KIZ: variants seen among roughly 807,000 people sequenced by gnomAD.
KIZ encodes the protein kizuna centrosomal protein, also known as centrosomal protein kizuna.
KIZ carries 68 observed loss-of-function variants against 79.6 expected under a neutral mutation model. That is an observed-to-expected ratio of 0.85 (90% CI 0.70 to 1.05). The LOEUF is 1.05. Among genes scored for constraint, KIZ ranks in the 50% least tolerant of loss-of-function variants. The pLI is 0.00. For missense variants in KIZ, 797 were observed against 800.4 expected (o/e 1.00, Z 0.05); for synonymous variants, 280 against 281.8 (o/e 0.99, Z 0.06).
At chr20:21,187,746 C>T (rs1280796228) in intron 6 of KIZ, among the ~76,000 whole-genome samples, 1 of 152,156 alleles carries the variant, frequency 6.6e-6, no homozygotes, top group African/African-American at 2.4e-5. Context: ...GATAATTCTA[C>T]CTTGACAACA....
intron 6 of KIZ, among the ~76,000 whole-genome samples, chr20:21,176,048 G>A (rs1289469583): frequency 1.3e-5 from 2 of 152,050 alleles, no homozygotes; most frequent in African/African-American, 4.8e-5. Flanking sequence ...GGTGGCTCAC[G>A]CCTATAATCT....
intron 10 of KIZ, among the ~76,000 whole-genome samples, chr20:21,231,280 C>A (rs1472528430): frequency 1.3e-5 from 2 of 152,080 alleles, no homozygotes; most frequent in African/African-American, 2.4e-5. Flanking sequence ...GCTGAGATCA[C>A]ACCACTGCAC....
chr20:21,154,435 A>C (rs1050088629), intron 4 of KIZ, among the ~76,000 whole-genome samples: 2 of 152,188 alleles, frequency 1.3e-5, no homozygotes, highest in African/African-American at 2.4e-5. Flanking sequence ...GTTCACTAAT[A>C]AATATTTTCA....
intron 6 of KIZ, among the ~76,000 whole-genome samples, chr20:21,170,844 A>C (rs2034174272): frequency 6.6e-6 from 1 of 152,128 alleles, no homozygotes. Flanking sequence ...TTTAATTTTT[A>C]GCTCCCCCAA....
At chr20:21,127,645 A>G (rs778174928) in intron 1 of KIZ, among the ~76,000 whole-genome samples, 5 of 152,138 alleles carry the variant, frequency 3.3e-5, no homozygotes, top group Non-Finnish European at 7.3e-5. Context: ...GTGTGTGTTC[A>G]TTTTTCATTT....
Position 21,162,074 on chromosome 20 carries a change from G to A in KIZ, c.609G>A (p.Val203=). ...GACAGACAGCCCAGAGCAGTAATGT[G>A]ACAGACAGCTGTGTAGTACAAACTA... is the stretch of plus-strand genomic sequence containing the variant. The part of the protein sequence containing the change: ...SHRQTAQSSN[V]TDSCVVQTSN... Residue 203 remains valine (V), a synonymous_variant, in exon 5 of 13, where the codon GTG becomes GTA. Coordinates refer to ENST00000619189, the MANE Select transcript of KIZ (RefSeq NM_018474.6). The A allele has an allele frequency of 6.2e-7, 1 of 1,613,890 alleles. No homozygotes were observed. The highest frequency in any genetic ancestry group is 8.5e-7 in the Non-Finnish European group (1 of 1,179,830).
At chr20:21,210,422 A>T (rs2036019787) in intron 7 of KIZ, among the ~76,000 whole-genome samples, 1 of 152,130 alleles carries the variant, frequency 6.6e-6, no homozygotes, top group Non-Finnish European at 1.5e-5. Flanking sequence ...GAACTCTTTC[A>T]TACCATTACA....
chr20:21,238,369 G>A (rs1218211106), intron 11 of KIZ, among the ~76,000 whole-genome samples: 1 of 151,186 alleles, frequency 6.6e-6, no homozygotes, highest in Non-Finnish European at 1.5e-5. Flanking sequence ...GTGTGTGTGA[G>A]AGGGTGTGAG....
intron 6 of KIZ, among the ~76,000 whole-genome samples, chr20:21,175,051 T>C (rs956590528): frequency 6.6e-6 from 1 of 152,212 alleles, no homozygotes; most frequent in Non-Finnish European, 1.5e-5. Context: ...AACATGACCT[T>C]TGGCACCTCA....
chr20:21,236,880 A>T (rs1332506825), intron 11 of KIZ, among the ~76,000 whole-genome samples: 1 of 151,844 alleles, frequency 6.6e-6, no homozygotes, highest in Non-Finnish European at 1.5e-5. Flanking sequence ...TGCACCTGTA[A>T]TCCCAGCTAC....
At chr20:21,215,542 A>G in intron 8 of KIZ, 41 bp from the exon 9 acceptor site, 1 of 1,237,474 alleles carries the variant, frequency 8.1e-7, no homozygotes, top group Non-Finnish European at 1.2e-6. Context: ...CTATTCCTTA[A>G]CTTTGAAATA....
intron 4 of KIZ, among the ~76,000 whole-genome samples, chr20:21,147,994 T>TGTGTGTGTGG (rs1305964631): frequency 8.6e-5 from 13 of 151,248 alleles, no homozygotes; most frequent in South Asian, 4.2e-4. Context: ...TGTGTGTGTG[T>TGTGTGTGTGG]GGCAGCAGAT....
chr20:21,174,706 C>T (rs1342936263), intron 6 of KIZ, among the ~76,000 whole-genome samples: 1 of 152,178 alleles, frequency 6.6e-6, no homozygotes, highest in Non-Finnish European at 1.5e-5. Flanking sequence ...GAATGTAATG[C>T]TGCCTTTTAA....
chr20:21,173,109 G>C (rs996815430), intron 6 of KIZ, among the ~76,000 whole-genome samples: 2 of 152,178 alleles, frequency 1.3e-5, no homozygotes, highest in African/African-American at 4.8e-5. Context: ...CAATTGAAAT[G>C]AAGAATCACT....
chr20:21,185,414 T>C (rs1039498340), intron 6 of KIZ, among the ~76,000 whole-genome samples: 2 of 148,488 alleles, frequency 1.3e-5, no homozygotes, highest in Non-Finnish European at 3.0e-5. Flanking sequence ...TACCTTTTTT[T>C]TTTTTTTTTT....
chr20:21,239,184 T>TCTC (rs1180855279), intron 11 of KIZ, among the ~76,000 whole-genome samples: 1 of 152,186 alleles, frequency 6.6e-6, no homozygotes, highest in Non-Finnish European at 1.5e-5. Flanking sequence ...AACTGGTGCT[T>TCTC]GGAGAGGTAG....
chr20:21,127,099 G>GGC (rs1246907757), intron 1 of KIZ, among the ~76,000 whole-genome samples: 3 of 152,222 alleles, frequency 2.0e-5, no homozygotes, highest in East Asian at 3.8e-4. Flanking sequence ...AATAAAGGCA[G>GGC]AAGTGAGCGA....
At chr20:21,159,263 C>A (rs1163371756) in intron 4 of KIZ, among the ~76,000 whole-genome samples, 1 of 152,068 alleles carries the variant, frequency 6.6e-6, no homozygotes, top group Admixed American at 6.5e-5. Flanking sequence ...AAGCAATCCT[C>A]CCATCTCAGC....
At chr20:21,208,432 G>A (rs565499528) in intron 7 of KIZ, among the ~76,000 whole-genome samples, 3 of 152,170 alleles carry the variant, frequency 2.0e-5, no homozygotes, top group Admixed American at 6.5e-5. Context: ...GGCTGGACGC[G>A]GTGGCTTACG....
Sources: allele counts gnomAD v4.1 joint callset (sites outside exome capture counted in the v4.1 genomes callset), GRCh38; gene constraint gnomAD v4.1.1; transcripts MANE v1.5; gene names NCBI Gene and HGNC (gene_info 2026-07-23, HGNC 2026-07-21).